Variants in ST8SIA2 observed in about 807,000 individuals in gnomAD.
ST8SIA2 encodes alpha-2,8-sialyltransferase 8B.
In ST8SIA2, 22 loss-of-function variants were observed where a neutral mutation model predicts 37.6. That is an observed-to-expected ratio of 0.58 (90% CI 0.42 to 0.83). ST8SIA2 has a LOEUF of 0.83. Among genes scored for constraint, ST8SIA2 ranks in the 40% least tolerant of loss-of-function variants. ST8SIA2 has a pLI of 0.00. For synonymous variants in ST8SIA2, 205 were observed against 201.2 expected, an observed-to-expected ratio of 1.02 and a Z score of -0.16; for missense variants, 382 against 484.7, an observed-to-expected ratio of 0.79 and a Z score of 1.99.
chr15:92,458,693 T>C (rs529103095), intron 5 of ST8SIA2, among the ~76,000 whole-genome samples: 1 of 152,200 alleles, frequency 6.6e-6, no homozygotes, highest in South Asian at 2.1e-4. Context: ...GTGTGCACAA[T>C]GCATAAGACT....
intron 5 of ST8SIA2, among the ~76,000 whole-genome samples, chr15:92,462,210 C>G (rs2049962412): frequency 6.6e-6 from 1 of 152,186 alleles, no homozygotes; most frequent in Non-Finnish European, 1.5e-5. Flanking sequence ...ATTCAAGTCA[C>G]CCCAGCCCCA....
chr15:92,462,064 G>A lies in ST8SIA2; in HGVS notation c.843-2036G>A, dbSNP rs28729190. Among the ~76,000 whole-genome samples, 524 of 152,186 alleles carry A rather than the reference G, an allele frequency of 3.4e-3. 3 individuals carry two copies. Among genetic ancestry groups the A allele is most frequent in the African/African-American group, 0.012 (497 of 41,506 alleles). On this transcript the variant is annotated intron_variant, in intron 5 of 5. Coordinates refer to ENST00000268164, the MANE Select transcript of ST8SIA2 (RefSeq NM_006011.4). ...AGAAAGTGCGAGGAAAGGGGTCTTC[G>A]AAAGACAGGCTTATGAAACAACCGC... is the stretch of plus-strand genomic sequence containing the variant.
At chr15:92,406,584 G>A (rs1250551891) in intron 1 of ST8SIA2, among the ~76,000 whole-genome samples, 4 of 152,216 alleles carry the variant, frequency 2.6e-5, no homozygotes, top group Non-Finnish European at 4.4e-5. Context: ...CTTCTACAGA[G>A]CGCCTGCCCT....
At chr15:92,427,104 A>G (rs1596238400) in intron 1 of ST8SIA2, among the ~76,000 whole-genome samples, 1 of 152,188 alleles carries the variant, frequency 6.6e-6, no homozygotes. Flanking sequence ...TCAAAGAGAA[A>G]AAGTAAGTGT....
At chr15:92,419,021 A>G (rs1490175795) in intron 1 of ST8SIA2, among the ~76,000 whole-genome samples, 1 of 151,960 alleles carries the variant, frequency 6.6e-6, no homozygotes, top group Non-Finnish European at 1.5e-5. Flanking sequence ...GCCCAAGGGG[A>G]CATTTGCCTC....
rs1052476289 is a variant in ST8SIA2 at position 92,466,586 on chromosome 15, G to C, written c.*2201G>C. On this transcript the variant is annotated 3_prime_UTR_variant, in exon 6 of 6. Coordinates refer to ENST00000268164, the MANE Select transcript of ST8SIA2 (RefSeq NM_006011.4). ...GGAGTCAAAGGGCCAGAACTCCTTG[G>C]GGGACCAGAACATGGTTTTCCTTCT... The C allele has an allele frequency of 3.9e-5, 6 of 152,170 alleles. No homozygotes were observed. The highest frequency in any genetic ancestry group is 1.4e-4 in the African/African-American group (6 of 41,422). The allele number at this position is 152,170 out of a possible 1,614,324, so 9.4% of individuals were successfully genotyped here.
chr15:92,425,900 C>T (rs2049672110), intron 1 of ST8SIA2, among the ~76,000 whole-genome samples: 1 of 152,134 alleles, frequency 6.6e-6, no homozygotes, highest in African/African-American at 2.4e-5. Flanking sequence ...TTGACAGGAG[C>T]GTTCCCAGGA....
At chr15:92,462,393 C>G (rs758142753) in intron 5 of ST8SIA2, among the ~76,000 whole-genome samples, 1 of 152,100 alleles carries the variant, frequency 6.6e-6, no homozygotes, top group African/African-American at 2.4e-5. Context: ...GATTTAAGGT[C>G]GACACTGTGG....
chr15:92,426,406 CAA>C (rs1357375933), intron 1 of ST8SIA2, among the ~76,000 whole-genome samples: 4 of 152,166 alleles, frequency 2.6e-5, no homozygotes, highest in African/African-American at 9.6e-5. Flanking sequence ...AGGCAGAAAA[CAA>C]GAGTTCACCG....
chr15:92,399,755 A>G (rs1409999098), intron 1 of ST8SIA2, among the ~76,000 whole-genome samples: 1 of 152,236 alleles, frequency 6.6e-6, no homozygotes, highest in African/African-American at 2.4e-5. Flanking sequence ...TTTAAATTGT[A>G]AATAGATACC....
Position 92,468,612 on chromosome 15 carries a change from T to C in ST8SIA2, c.*4227T>C, listed in dbSNP as rs933327699. Reference sequence around the variant, plus strand: ...ACTTGTCCTTTGACTGTTCTTAGACTGTAAGCTTGCCAAGGGCAGGGACTG... The same window carrying C: ...ACTTGTCCTTTGACTGTTCTTAGACCGTAAGCTTGCCAAGGGCAGGGACTG... On this transcript the variant is annotated 3_prime_UTR_variant, in exon 6 of 6. Coordinates refer to ENST00000268164, the MANE Select transcript of ST8SIA2 (RefSeq NM_006011.4). The C allele has an allele frequency of 2.0e-5, 3 of 152,738 alleles. No homozygotes were observed. The highest frequency in any genetic ancestry group is 7.2e-5 in the African/African-American group (3 of 41,474). The allele number at this position is 152,738 out of a possible 1,614,324, so 9.5% of individuals were successfully genotyped here.
At chr15:92,403,265 C>T (rs761292988) in intron 1 of ST8SIA2, among the ~76,000 whole-genome samples, 1 of 152,178 alleles carries the variant, frequency 6.6e-6, no homozygotes, top group Non-Finnish European at 1.5e-5. Context: ...GTTTGCCTGA[C>T]TCCATGGTCC....
chr15:92,464,173 T>G lies in ST8SIA2; in HGVS notation c.916T>G (p.Phe306Val). ...GLLMYTLATR[F>V]CKQIYLYGFW... ...CTTGATGTATACCCTGGCCACACGT[T>G]TCTGCAAACAAATCTACCTCTACGG... The change falls in exon 6 of 6, where the codon TTC becomes GTC. Residue 306 changes from phenylalanine to valine, a missense_variant. Phe to Val is a conservative substitution (Grantham distance 50, BLOSUM62 -1). Transcript: ENST00000268164. 2 of 1,613,182 alleles carry G rather than the reference T, an allele frequency of 1.2e-6. No individual in the cohort carries two copies. Among genetic ancestry groups the G allele is most frequent in the South Asian group, 2.2e-5 (2 of 90,976 alleles).
chr15:92,400,125 C>T (rs2049459626), intron 1 of ST8SIA2, among the ~76,000 whole-genome samples: 1 of 152,184 alleles, frequency 6.6e-6, no homozygotes, highest in Non-Finnish European at 1.5e-5. Flanking sequence ...TTGCCCTGCT[C>T]CTCCCAGGCC....
Position 92,437,885 on chromosome 15 carries a change from G to A in ST8SIA2, c.291-468G>A, listed in dbSNP as rs530028914. Reference sequence around the variant, plus strand: ...TACCTAGCCATTCATTTTCATCCCCGTCAGAGGATGGCCCTAAATCCCCCT... The same window carrying A: ...TACCTAGCCATTCATTTTCATCCCCATCAGAGGATGGCCCTAAATCCCCCT... On this transcript the variant is annotated intron_variant, in intron 3 of 5. Coordinates refer to ENST00000268164, the MANE Select transcript of ST8SIA2 (RefSeq NM_006011.4). Among the ~76,000 whole-genome samples the A allele has an allele frequency of 7.2e-5, 11 of 152,260 alleles. No individual in the cohort carries two copies. The East Asian group carries it at 1.9e-3, about 27-fold the overall frequency.
At chr15:92,397,037 C>T (rs369058179) in intron 1 of ST8SIA2, among the ~76,000 whole-genome samples, 1 of 152,146 alleles carries the variant, frequency 6.6e-6, no homozygotes, top group Admixed American at 6.5e-5. Context: ...ATGATCTGCG[C>T]GTGTCGGCCC....
Position 92,464,423 on chromosome 15 carries a change from T to C in ST8SIA2, c.*38T>C. 6.2e-7 allele frequency: 1 copy of C among 1,611,596 alleles called. No individual in the cohort carries two copies. ...ATGGGACTCAGTGGCTCACATTTCC[T>C]GCCAGCTACACCACAGGCAGATGGG... On this transcript the variant is annotated 3_prime_UTR_variant, in exon 6 of 6. Transcript: ENST00000268164.
Position 92,421,891 on chromosome 15 carries a change from G to A in ST8SIA2, c.99-8158G>A, listed in dbSNP as rs561823894. Reference sequence around the variant, plus strand: ...AATAATAACTTTGAATCCTAATTAAGCAAAATCATGTGCCCTCCCCCACAA... The same window carrying A: ...AATAATAACTTTGAATCCTAATTAAACAAAATCATGTGCCCTCCCCCACAA... On this transcript the variant is annotated intron_variant, in intron 1 of 5. Transcript: ENST00000268164. Among the ~76,000 whole-genome samples, 61 of 152,256 alleles carry A rather than the reference G, an allele frequency of 4.0e-4. 1 individual carries two copies. The highest frequency in any genetic ancestry group is 7.8e-4 in the Non-Finnish European group (53 of 68,028).
chr15:92,445,143 T>C, intron 5 of ST8SIA2: 2 of 671,350 alleles, frequency 3.0e-6, no homozygotes. Flanking sequence ...TTTTGACCAA[T>C]GGGTAGTGCC....
Sources: allele counts gnomAD v4.1 joint callset (sites outside exome capture counted in the v4.1 genomes callset), GRCh38; gene constraint gnomAD v4.1.1; transcripts MANE v1.5; gene names NCBI Gene and HGNC (gene_info 2026-07-23, HGNC 2026-07-21).